The following EPHA6 variants were observed in gnomAD, a reference collection of about 807,000 sequenced individuals.
The protein encoded by EPHA6 is EPH receptor A6.
Under a neutral mutation model 112.0 loss-of-function variants are expected in EPHA6, and 50 were observed. The observed-to-expected ratio is 0.45, with a 90% CI of 0.36 to 0.56. EPHA6 has a LOEUF of 0.56. Among genes scored for constraint, EPHA6 ranks in the 20% least tolerant of loss-of-function variants. EPHA6 has a pLI of 0.00. For synonymous variants in EPHA6, 529 were observed against 490.7 expected, an observed-to-expected ratio of 1.08 and a Z score of -1.03; for missense variants, 1,280 against 1,417.4, an observed-to-expected ratio of 0.90 and a Z score of 1.56.
intron 1 of EPHA6, among the ~76,000 whole-genome samples, chr3:96,833,021 G>A (rs1418872163): frequency 6.6e-6 from 1 of 151,616 alleles, no homozygotes; most frequent in Non-Finnish European, 1.5e-5. Flanking sequence ...TTGGCCCAGT[G>A]TTAAAGATTA....
intron 14 of EPHA6, among the ~76,000 whole-genome samples, chr3:97,703,253 G>A (rs1055622403): frequency 3.9e-5 from 6 of 152,118 alleles, no homozygotes; most frequent in South Asian, 2.1e-4. Flanking sequence ...CAAGACTAAC[G>A]GGAAATGACT....
intron 4 of EPHA6, among the ~76,000 whole-genome samples, chr3:97,236,851 G>T (rs1263827145): frequency 2.0e-5 from 3 of 152,022 alleles, no homozygotes; most frequent in African/African-American, 7.2e-5. Flanking sequence ...TGGTTGAGAT[G>T]TAGTTGGAGA....
chr3:97,725,603 T>C (rs1018139466), intron 15 of EPHA6, among the ~76,000 whole-genome samples: 4 of 152,166 alleles, frequency 2.6e-5, no homozygotes, highest in Admixed American at 2.0e-4. Flanking sequence ...CAGCAGATGT[T>C]ATTGAAAAGA....
intron 14 of EPHA6, among the ~76,000 whole-genome samples, chr3:97,643,805 G>T (rs1241889294): frequency 2.0e-5 from 3 of 150,970 alleles, no homozygotes; most frequent in African/African-American, 2.4e-5. Context: ...TGAGTGACCT[G>T]CAAAGAGACT....
chr3:97,216,715 T>A (rs1038910191), intron 3 of EPHA6, among the ~76,000 whole-genome samples: 26 of 152,358 alleles, frequency 1.7e-4, no homozygotes, highest in African/African-American at 5.5e-4. Flanking sequence ...AGAGTTCGTA[T>A]TGCTCCATAT....
At position 97,243,347 on chromosome 3, in the gene EPHA6, A is replaced by G. The variant is rs112490403; in HGVS notation, c.1271-605A>G. The stretch of plus-strand genomic sequence containing the variant: ...ATGCTTTTATCACATCAAATTGACA[A>G]GGACTTAATAAAAGGTTTTTTGTTG... On this transcript the variant is annotated intron_variant, in intron 4 of 17. Coordinates refer to ENST00000389672, the MANE Select transcript of EPHA6 (RefSeq NM_001080448.3). Among the ~76,000 whole-genome samples, 299 of 151,974 alleles carry G rather than the reference A, an allele frequency of 2.0e-3. 2 individuals carry two copies. The highest frequency in any genetic ancestry group is 6.6e-3 in the African/African-American group (275 of 41,508).
chr3:97,292,492 G>A (rs1249627238), intron 5 of EPHA6, among the ~76,000 whole-genome samples: 1 of 152,244 alleles, frequency 6.6e-6, no homozygotes, highest in East Asian at 1.9e-4. Flanking sequence ...GCTCTCAGGA[G>A]ACCTGAGGCA....
chr3:97,253,632 A>T (rs2079209017), intron 5 of EPHA6, among the ~76,000 whole-genome samples: 1 of 152,156 alleles, frequency 6.6e-6, no homozygotes. Flanking sequence ...TATTCCAAGG[A>T]TGATAGATAT....
At position 96,987,825 on chromosome 3, in the gene EPHA6, C is replaced by A. The variant is rs1468087490; in HGVS notation, c.946C>A (p.Pro316Thr). 6.2e-7 allele frequency: 1 copy of A among 1,613,908 alleles called. No individual in the cohort carries two copies. The highest frequency in any genetic ancestry group is 8.5e-7 in the Non-Finnish European group (1 of 1,179,856). ...CTTGGCCATGTTTCCTGATACCATT[C>A]CAAGGGTTGATTCCTCCTCTTTGGT... ...RNLAMFPDTI[P>T]RVDSSSLVEV... Residue 316 changes from proline to threonine, a missense_variant, in exon 3 of 18, where the codon CCA (proline) becomes ACA (threonine). This residue lies in a region of EPHA6 where 878 missense variants were observed against 999.7 expected (regional missense o/e 0.88). Coordinates refer to ENST00000389672, the MANE Select transcript of EPHA6 (RefSeq NM_001080448.3).
chr3:97,464,597 G>A (rs9843787), intron 7 of EPHA6, among the ~76,000 whole-genome samples: 7,204 of 152,030 alleles, frequency 0.047, 570 homozygotes, highest in African/African-American at 0.16. Flanking sequence ...TGCCCCCACC[G>A]TTAGATACAC....
chr3:97,468,500 A>G (rs1314354531), intron 7 of EPHA6, among the ~76,000 whole-genome samples: 3 of 151,428 alleles, frequency 2.0e-5, no homozygotes, highest in Non-Finnish European at 3.0e-5. Flanking sequence ...CTTTGAGTAG[A>G]TAGCATCAAA....
intron 3 of EPHA6, among the ~76,000 whole-genome samples, chr3:97,166,896 T>C (rs1291525949): frequency 1.3e-5 from 2 of 152,090 alleles, no homozygotes; most frequent in South Asian, 4.1e-4. Flanking sequence ...ATAATCAGAC[T>C]CCTAAAGCTT....
intron 3 of EPHA6, among the ~76,000 whole-genome samples, chr3:97,004,076 G>A (rs1036915060): frequency 1.3e-5 from 2 of 152,070 alleles, no homozygotes; most frequent in African/African-American, 4.8e-5. Context: ...CCATGTCTTT[G>A]CTATTGTAAA....
At chr3:96,967,322 A>T (rs1225428489) in intron 2 of EPHA6, among the ~76,000 whole-genome samples, 2 of 150,650 alleles carry the variant, frequency 1.3e-5, no homozygotes, top group Non-Finnish European at 3.0e-5. Flanking sequence ...TGTATGTTTT[A>T]AAAATTATTA....
At chr3:97,401,045 G>A (rs1293236879) in intron 5 of EPHA6, among the ~76,000 whole-genome samples, 1 of 151,758 alleles carries the variant, frequency 6.6e-6, no homozygotes, top group African/African-American at 2.4e-5. Context: ...TATGATATTG[G>A]CTGTGTGTTT....
At chr3:96,846,021 C>T (rs536484806) in intron 1 of EPHA6, among the ~76,000 whole-genome samples, 3 of 152,048 alleles carry the variant, frequency 2.0e-5, no homozygotes, top group African/African-American at 4.8e-5. Flanking sequence ...AATCACAATG[C>T]TTACATCTGT....
chr3:97,534,946 A>G (rs1175178557), intron 11 of EPHA6, among the ~76,000 whole-genome samples: 1 of 152,102 alleles, frequency 6.6e-6, no homozygotes, highest in Non-Finnish European at 1.5e-5. Context: ...ACAATAAATT[A>G]AAAGGTTTAA....
At chr3:97,523,474 A>C (rs2092573863) in intron 10 of EPHA6, among the ~76,000 whole-genome samples, 1 of 152,068 alleles carries the variant, frequency 6.6e-6, no homozygotes, top group African/African-American at 2.4e-5. Context: ...TTCTGTGTGC[A>C]CTTGAGAAAA....
chr3:97,393,505 A>C (rs1290270923), intron 5 of EPHA6, among the ~76,000 whole-genome samples: 2 of 151,846 alleles, frequency 1.3e-5, no homozygotes, highest in Non-Finnish European at 2.9e-5. Context: ...GTCTGGTCTC[A>C]CCTCTGTAAT....
Sources: allele counts gnomAD v4.1 joint callset (sites outside exome capture counted in the v4.1 genomes callset), GRCh38; gene constraint gnomAD v4.1.1; regional missense constraint gnomAD v4.1.1; transcripts MANE v1.5; gene names NCBI Gene and HGNC (gene_info 2026-07-23, HGNC 2026-07-21).